Variants in NAV3 observed in about 807,000 individuals in gnomAD.
NAV3 encodes neuron navigator 3.
Under a neutral mutation model 244.7 loss-of-function variants are expected in NAV3, and 87 were observed. The ratio of observed to expected loss-of-function variants is 0.36; its 90% CI spans 0.30 to 0.42. The LOEUF is 0.42. Among genes scored for constraint, NAV3 ranks in the 20% least tolerant of loss-of-function variants. NAV3 has a pLI of 1.00. For synonymous variants in NAV3, 1,126 were observed against 1,042.2 expected, an observed-to-expected ratio of 1.08 and a Z score of -1.55; for missense variants, 2,663 against 2,893.3, an observed-to-expected ratio of 0.92 and a Z score of 1.83.
At chr12:77,604,800 T>G (rs1367280865) in intron 2 of NAV3, among the ~76,000 whole-genome samples, 2 of 152,070 alleles carry the variant, frequency 1.3e-5, no homozygotes, top group Non-Finnish European at 2.9e-5. Context: ...TCCAATTAGG[T>G]TGGGGATATT....
intron 2 of NAV3, among the ~76,000 whole-genome samples, chr12:77,728,929 G>A (rs1379070039): frequency 6.6e-6 from 1 of 151,758 alleles, no homozygotes; most frequent in East Asian, 1.9e-4. Flanking sequence ...AGCCTACTCA[G>A]CATGAAGACA....
At chr12:77,995,224 T>C (rs1158522774) in intron 6 of NAV3, among the ~76,000 whole-genome samples, 1 of 152,192 alleles carries the variant, frequency 6.6e-6, no homozygotes, top group African/African-American at 2.4e-5. Context: ...CTTTTTGAGA[T>C]GGGCATGCAT....
At chr12:77,608,241 G>A (rs1035231744) in intron 2 of NAV3, among the ~76,000 whole-genome samples, 4 of 152,042 alleles carry the variant, frequency 2.6e-5, no homozygotes, top group Non-Finnish European at 5.9e-5. Context: ...ATACTGTAAT[G>A]TTATTCAAAC....
intron 2 of NAV3, among the ~76,000 whole-genome samples, chr12:77,579,020 C>T (rs1350357483): frequency 3.3e-5 from 5 of 152,054 alleles, no homozygotes; most frequent in Non-Finnish European, 7.4e-5. Flanking sequence ...TCTTAGAGTT[C>T]CCTGTGAGGA....
At chr12:77,913,938 G>A (rs1032077298) in intron 1 of NAV3, among the ~76,000 whole-genome samples, 29 of 151,504 alleles carry the variant, frequency 1.9e-4, no homozygotes, top group African/African-American at 7.0e-4. Flanking sequence ...GCTGTGATGA[G>A]TGTAAAATAT....
At chr12:77,743,811 A>G (rs576068892) in intron 2 of NAV3, among the ~76,000 whole-genome samples, 215 of 151,862 alleles carry the variant, frequency 1.4e-3, no homozygotes, top group Middle Eastern at 0.014. Flanking sequence ...AATAATGACC[A>G]TATCTCCATA....
At chr12:77,572,692 C>A (rs569212988) in intron 2 of NAV3, among the ~76,000 whole-genome samples, 1 of 152,264 alleles carries the variant, frequency 6.6e-6, no homozygotes, top group African/African-American at 2.4e-5. Flanking sequence ...AATTTCATAT[C>A]CTTGGGACAC....
chr12:77,722,917 G>C (rs953579048), intron 2 of NAV3, among the ~76,000 whole-genome samples: 1 of 151,878 alleles, frequency 6.6e-6, no homozygotes, highest in Non-Finnish European at 1.5e-5. Context: ...TACATACTTG[G>C]CACAAACCTC....
At chr12:77,797,756 G>T (rs189085978) in intron 2 of NAV3, among the ~76,000 whole-genome samples, 7 of 151,626 alleles carry the variant, frequency 4.6e-5, no homozygotes, top group Non-Finnish European at 1.0e-4. Flanking sequence ...GAGGAGAATT[G>T]CTTGAACGTG....
intron 7 of NAV3, among the ~76,000 whole-genome samples, chr12:77,999,811 C>T (rs943355834): frequency 6.6e-6 from 1 of 151,928 alleles, no homozygotes; most frequent in Admixed American, 6.6e-5. Flanking sequence ...AAAATGCCCT[C>T]ATTTCCTAAC....
At chr12:78,170,532 G>A (rs184057684) in intron 24 of NAV3, among the ~76,000 whole-genome samples, 12 of 151,672 alleles carry the variant, frequency 7.9e-5, no homozygotes, top group African/African-American at 2.9e-4. Flanking sequence ...ACATCTACAG[G>A]TATCCCATTC....
intron 2 of NAV3, among the ~76,000 whole-genome samples, chr12:77,805,857 C>A (rs1871950491): frequency 6.6e-6 from 1 of 152,104 alleles, no homozygotes; most frequent in African/African-American, 2.4e-5. Context: ...TGTTATTGGT[C>A]TATTCAGGGA....
At chr12:78,033,929 C>T (rs1055634081) in intron 9 of NAV3, among the ~76,000 whole-genome samples, 3 of 152,126 alleles carry the variant, frequency 2.0e-5, no homozygotes, top group Admixed American at 6.5e-5. Flanking sequence ...TTCCTTTGGT[C>T]ATAAAATCAA....
At chr12:77,919,251 GGT>G (rs374220198) in intron 1 of NAV3, among the ~76,000 whole-genome samples, 1 of 152,082 alleles carries the variant, frequency 6.6e-6, no homozygotes, top group Non-Finnish European at 1.5e-5. Context: ...GTCAAAGTGT[GGT>G]CAAGTATTTC....
chr12:77,699,831 A>C (rs1422467031), intron 2 of NAV3, among the ~76,000 whole-genome samples: 1 of 148,760 alleles, frequency 6.7e-6, no homozygotes, highest in Non-Finnish European at 1.5e-5. Context: ...GAAATCAGTC[A>C]CCTCTACAGC....
chr12:77,699,197 G>C (rs1336157926), intron 2 of NAV3, among the ~76,000 whole-genome samples: 1 of 152,080 alleles, frequency 6.6e-6, no homozygotes, highest in Admixed American at 6.6e-5. Flanking sequence ...GCTGTCTAGG[G>C]AGATAACTAA....
chr12:77,892,450 C>G (rs1884052078), intron 1 of NAV3, among the ~76,000 whole-genome samples: 1 of 151,054 alleles, frequency 6.6e-6, no homozygotes, highest in South Asian at 2.1e-4. Flanking sequence ...GAATCTTGCT[C>G]TGTCACCCAT....
chr12:78,012,738 G>A (rs536045080), intron 8 of NAV3, among the ~76,000 whole-genome samples: 36 of 152,006 alleles, frequency 2.4e-4, no homozygotes, highest in Non-Finnish European at 4.9e-4. Context: ...TATATTATGC[G>A]CCTTCTCAGA....
intron 2 of NAV3, among the ~76,000 whole-genome samples, chr12:77,659,067 A>C (rs1873286461): frequency 6.6e-6 from 1 of 151,992 alleles, no homozygotes; most frequent in East Asian, 1.9e-4. Context: ...TTCATGTCGA[A>C]AACACCAAAA....
Sources: allele counts gnomAD v4.1 joint callset (sites outside exome capture counted in the v4.1 genomes callset), GRCh38; gene constraint gnomAD v4.1.1; transcripts MANE v1.5; gene names NCBI Gene and HGNC (gene_info 2026-07-23, HGNC 2026-07-21).